The following TMCC1 variants were observed in gnomAD, a reference collection of about 807,000 sequenced individuals.
TMCC1 encodes the protein transmembrane and coiled-coil domain family 1.
In TMCC1, 15 loss-of-function variants were observed where a neutral mutation model predicts 52.4. The observed-to-expected ratio is 0.29, with a 90% confidence interval of 0.19 to 0.44. The LOEUF (loss-of-function observed/expected upper bound fraction) is 0.44. Ranked by LOEUF, TMCC1 falls within the 20% of genes least tolerant of loss-of-function variation. TMCC1 has a pLI of 1.00. For missense variants in TMCC1, 503 were observed against 806.0 expected (o/e 0.62, Z 4.55); for synonymous variants, 279 against 301.9 (o/e 0.92, Z 0.79).
At chr3:129,777,528 T>A (rs1461674658) in intron 4 of TMCC1, among the ~76,000 whole-genome samples, 5 of 152,172 alleles carry the variant, frequency 3.3e-5, no homozygotes, top group African/African-American at 1.2e-4. Flanking sequence ...ATCACCAGAC[T>A]CACTTCAGTG....
chr3:129,884,865 C>T (rs1048391662), intron 1 of TMCC1, among the ~76,000 whole-genome samples: 1 of 150,070 alleles, frequency 6.7e-6, no homozygotes, highest in Non-Finnish European at 1.5e-5. Flanking sequence ...GCAGGCAGGG[C>T]GTAGTGGCTC....
intron 2 of TMCC1, among the ~76,000 whole-genome samples, chr3:129,863,728 G>A (rs917826672): frequency 2.6e-5 from 4 of 152,112 alleles, no homozygotes; most frequent in African/African-American, 9.7e-5. Context: ...CAGGCGTGGT[G>A]GCGCGCACCT....
At chr3:129,834,415 C>T (rs188037137) in intron 2 of TMCC1, among the ~76,000 whole-genome samples, 160 of 152,222 alleles carry the variant, frequency 1.1e-3, no homozygotes, top group African/African-American at 3.4e-3. Flanking sequence ...CTTAGGTGAA[C>T]ATTATCTCTA....
chr3:129,715,329 C>T (rs981398736), intron 4 of TMCC1, among the ~76,000 whole-genome samples: 3 of 152,140 alleles, frequency 2.0e-5, no homozygotes, highest in Non-Finnish European at 4.4e-5. Context: ...GAGGCCGAGG[C>T]AGGGGAATCA....
chr3:129,741,783 T>C (rs1347016964), intron 4 of TMCC1, among the ~76,000 whole-genome samples: 2 of 152,102 alleles, frequency 1.3e-5, no homozygotes, highest in African/African-American at 2.4e-5. Flanking sequence ...ACAGAAGAGG[T>C]TGAGATCATC....
intron 4 of TMCC1, among the ~76,000 whole-genome samples, chr3:129,827,409 A>T (rs2058705203): frequency 6.6e-6 from 1 of 152,216 alleles, no homozygotes; most frequent in Non-Finnish European, 1.5e-5. Flanking sequence ...GTAAGCACAA[A>T]CTCAGATTCT....
At chr3:129,796,895 T>C (rs2056866963) in intron 4 of TMCC1, among the ~76,000 whole-genome samples, 1 of 152,202 alleles carries the variant, frequency 6.6e-6, no homozygotes, top group African/African-American at 2.4e-5. Context: ...TTGTAACTTT[T>C]TTCTTCAGGT....
At position 129,867,951 on chromosome 3, in the gene TMCC1, C is replaced by T. The variant is rs1409844255; in HGVS notation, c.-184+12358G>A. ...TAACATATTTATTGTGTGCCTAATA[C>T]GTGCCAAGAACTCTGCTAGGCACTA... is the stretch of plus-strand genomic sequence containing the variant. On this transcript the variant is annotated intron_variant, in intron 2 of 6. Coordinates refer to ENST00000393238, the MANE Select transcript of TMCC1 (RefSeq NM_001017395.5). 3.9e-5 allele frequency among the ~76,000 whole-genome samples: 6 copies of T among 152,236 alleles called. No homozygotes were observed. The East Asian group carries it at 9.7e-4, about 25-fold the overall frequency.
In TMCC1 at chr3:129,827,903, G is replaced by A; in HGVS notation, c.476C>T (p.Thr159Ile). ...MQSGRPRSSS[T>I]TDAPTSSAMM... ...AGCAGAGCTGGTAGGTGCATCAGTTGTGGATGAAGACCTGGGTCGGCCTGA... is the reference window on the plus strand; with the variant it reads ...AGCAGAGCTGGTAGGTGCATCAGTTATGGATGAAGACCTGGGTCGGCCTGA... The change falls in exon 4 of 7, where the codon ACA becomes ATA. Residue 159 changes from threonine to isoleucine, a missense_variant. By Grantham distance (89) the Thr-to-Ile change is moderately conservative. Transcript: ENST00000393238. 1.2e-6 allele frequency: 2 copies of A among 1,614,148 alleles called. No individual in the cohort carries two copies. The highest frequency in any genetic ancestry group is 1.7e-6 in the Non-Finnish European group (2 of 1,180,020).
chr3:129,761,691 G>C (rs1306534991), intron 4 of TMCC1, among the ~76,000 whole-genome samples: 1 of 151,988 alleles, frequency 6.6e-6, no homozygotes, highest in Admixed American at 6.6e-5. Flanking sequence ...AATAGAAATG[G>C]GAAAAGAGTA....
intron 1 of TMCC1, among the ~76,000 whole-genome samples, chr3:129,884,900 G>A (rs1443372803): frequency 1.3e-5 from 2 of 150,316 alleles, no homozygotes; most frequent in Non-Finnish European, 3.0e-5. Context: ...AGCATTTTGG[G>A]AGGCTGAGGC....
chr3:129,851,119 A>T lies in TMCC1; in HGVS notation c.-183-18293T>A, dbSNP rs1022385545. On this transcript the variant is annotated intron_variant, in intron 2 of 6. Transcript: ENST00000393238. ...TTTGGGGGGCCTATTCCCAACAAAT[A>T]GTCATAATGCATTCATTCCCAGGAT... Among the ~76,000 whole-genome samples, 4 of 142,024 alleles carry T rather than the reference A, an allele frequency of 2.8e-5. No individual in the cohort carries two copies. In the Admixed American group the frequency reaches 2.8e-4, roughly 10 times the overall value. The allele number at this position is 142,024 out of a possible 152,430, so 93.2% of individuals were successfully genotyped here.
intron 4 of TMCC1, among the ~76,000 whole-genome samples, chr3:129,752,955 A>G (rs1043222855): frequency 6.6e-6 from 1 of 152,168 alleles, no homozygotes; most frequent in Non-Finnish European, 1.5e-5. Flanking sequence ...GGAGAGAGAC[A>G]GAAAGAGAGA....
intron 4 of TMCC1, among the ~76,000 whole-genome samples, chr3:129,742,049 G>C (rs1336502879): frequency 6.6e-6 from 1 of 152,084 alleles, no homozygotes; most frequent in South Asian, 2.1e-4. Context: ...GAATAGTCTT[G>C]ATCTTTTGGA....
intron 4 of TMCC1, among the ~76,000 whole-genome samples, chr3:129,777,463 G>T (rs1354742123): frequency 2.0e-5 from 3 of 152,190 alleles, no homozygotes; most frequent in Admixed American, 1.3e-4. Context: ...TCTCTTCCAA[G>T]ATTCCAGTTT....
intron 6 of TMCC1, among the ~76,000 whole-genome samples, chr3:129,654,029 C>T (rs2086518104): frequency 1.3e-5 from 2 of 152,136 alleles, no homozygotes; most frequent in South Asian, 4.1e-4. Context: ...CACCTCCCCC[C>T]AACCCCCCCA....
intron 4 of TMCC1, among the ~76,000 whole-genome samples, chr3:129,812,023 C>G (rs1341997233): frequency 6.7e-6 from 1 of 149,742 alleles, no homozygotes; most frequent in East Asian, 2.0e-4. Flanking sequence ...TTCATTAGTA[C>G]AGAAGGGCTT....
chr3:129,827,521 G>A (rs1266654507), intron 4 of TMCC1, among the ~76,000 whole-genome samples: 2 of 152,072 alleles, frequency 1.3e-5, no homozygotes, highest in Non-Finnish European at 2.9e-5. Flanking sequence ...CCATAAAACT[G>A]ACCCTCAAAT....
At chr3:129,883,156 CACAA>C (rs1045802557) in intron 1 of TMCC1, among the ~76,000 whole-genome samples, 15 of 146,810 alleles carry the variant, frequency 1.0e-4, no homozygotes, top group Admixed American at 1.3e-4. Context: ...CACACACACA[CACAA>C]AATTAGCCAG....
Sources: gnomAD v4.1 joint callset for allele counts (sites outside exome capture counted in the v4.1 genomes callset) on GRCh38, gnomAD v4.1.1 for gene constraint, MANE v1.5 for transcripts, NCBI Gene and HGNC (gene_info 2026-07-23, HGNC 2026-07-21) for gene names.